The following ZNF365 variants were observed in gnomAD, a reference collection of about 807,000 sequenced individuals.
ZNF365 encodes the protein zinc finger protein 365.
In ZNF365, 22 loss-of-function variants were observed where a neutral mutation model predicts 35.0. The ratio of observed to expected loss-of-function variants is 0.63; its 90% confidence interval spans 0.45 to 0.90. The LOEUF is 0.90. Ranked by LOEUF, ZNF365 falls within the 40% of genes least tolerant of loss-of-function variation. ZNF365 has a pLI of 0.00. For missense variants in ZNF365, 448 were observed against 500.3 expected, an observed-to-expected ratio of 0.90 and a Z score of 1.00; for synonymous variants, 188 against 196.2, an observed-to-expected ratio of 0.96 and a Z score of 0.35.
chr10:62,376,607 G>A lies in ZNF365; in HGVS notation c.414G>A (p.Ser138=), dbSNP rs563726070. Residue 138 remains serine, a synonymous_variant, in exon 2 of 5, where the codon TCG becomes TCA. Coordinates refer to ENST00000395254, the MANE Select transcript of ZNF365 (RefSeq NM_014951.3). The part of the protein sequence containing the change: ...TYTAMDLHAD[S]LDGTRSGPGL... ...CTGCCATGGACCTCCATGCAGACTC[G>A]CTGGATGGGACACGGTCGGGTCCTG... 1.9e-6 allele frequency: 3 copies of A among 1,614,128 alleles called. No homozygotes were observed. Among genetic ancestry groups the A allele is most frequent in the Middle Eastern group, 1.6e-4 (1 of 6,062 alleles).
intron 3 of ZNF365, among the ~76,000 whole-genome samples, chr10:62,448,225 T>C (rs746141006): frequency 7.9e-5 from 12 of 152,194 alleles, no homozygotes; most frequent in Non-Finnish European, 1.8e-4. Context: ...TTACATACAA[T>C]GAAATGCACA....
intron 4 of ZNF365, among the ~76,000 whole-genome samples, chr10:62,460,636 G>A (rs1190863720): frequency 6.6e-6 from 1 of 152,174 alleles, no homozygotes; most frequent in African/African-American, 2.4e-5. Flanking sequence ...ATGGTAATAT[G>A]AGACAGATTG....
chr10:62,471,594 T>C (rs1014262936), intron 4 of ZNF365, among the ~76,000 whole-genome samples: 8 of 152,318 alleles, frequency 5.3e-5, no homozygotes, highest in African/African-American at 1.9e-4. Context: ...TTGATATTCA[T>C]ATTAATTTAT....
chr10:62,463,958 C>A (rs1023068970), intron 4 of ZNF365, among the ~76,000 whole-genome samples: 2 of 152,126 alleles, frequency 1.3e-5, no homozygotes, highest in Non-Finnish European at 2.9e-5. Context: ...AACACTGACA[C>A]CAGCGGGATG....
At chr10:62,430,628 G>A (rs1840320696) in intron 3 of ZNF365, among the ~76,000 whole-genome samples, 1 of 152,150 alleles carries the variant, frequency 6.6e-6, no homozygotes, top group Admixed American at 6.5e-5. Flanking sequence ...CAACCCTGGA[G>A]AAAACAGGAA....
rs184098438 is a variant in ZNF365 at position 62,388,460 on chromosome 10, C to G, written c.808C>G (p.Arg270Gly). 1 of 1,614,170 alleles carries G rather than the reference C, an allele frequency of 6.2e-7. No individual in the cohort carries two copies. Among genetic ancestry groups the G allele is most frequent in the Admixed American group, 1.7e-5 (1 of 60,030 alleles). The change falls in exon 3 of 5, where the codon CGG (arginine) becomes GGG (glycine). Residue 270 changes from arginine to glycine, a missense_variant. Physicochemically the swap from Arg to Gly is moderately radical, Grantham distance 125. Around this residue, in one of 3 missense-constraint regions of ZNF365, gnomAD observed 362 missense variants for 375.7 expected, o/e 0.96. Transcript: ENST00000395254. Reference sequence around the variant, plus strand: ...TGAGAAGGAGGTTCAAGGGAAAGCCCGGCTCCAGGACTTTATTGAGAATCT... The same window carrying G: ...TGAGAAGGAGGTTCAAGGGAAAGCCGGGCTCCAGGACTTTATTGAGAATCT... ...AAEKEVQGKA[R>G]LQDFIENLLQ...
chr10:62,442,318 T>A (rs74158908), intron 3 of ZNF365, among the ~76,000 whole-genome samples: 2 of 152,202 alleles, frequency 1.3e-5, no homozygotes, highest in African/African-American at 4.8e-5. Flanking sequence ...AAAATTTCCC[T>A]GCTAAATTGA....
chr10:62,381,151 G>A (rs1839432030), intron 2 of ZNF365, among the ~76,000 whole-genome samples: 1 of 152,116 alleles, frequency 6.6e-6, no homozygotes, highest in African/African-American at 2.4e-5. Context: ...ATTTTTATGT[G>A]TGGAGAGGCC....
At chr10:62,470,541 T>G (rs1446497954) in intron 4 of ZNF365, among the ~76,000 whole-genome samples, 1 of 152,246 alleles carries the variant, frequency 6.6e-6, no homozygotes, top group African/African-American at 2.4e-5. Flanking sequence ...CTTGATGCTT[T>G]CTTTCTGGAT....
At chr10:62,396,506 A>G (rs1047143978) in intron 3 of ZNF365, among the ~76,000 whole-genome samples, 1 of 152,156 alleles carries the variant, frequency 6.6e-6, no homozygotes, top group African/African-American at 2.4e-5. Context: ...GACATGCACA[A>G]TTTATAGTAC....
intron 4 of ZNF365, among the ~76,000 whole-genome samples, chr10:62,462,705 G>C (rs569714751): frequency 6.6e-6 from 1 of 152,200 alleles, no homozygotes; most frequent in Non-Finnish European, 1.5e-5. Flanking sequence ...AGCAGCCCAA[G>C]CATGGCTGGA....
rs563700614 is a variant in ZNF365 at position 62,424,389 on chromosome 10, T to A, written c.925-35352T>A. ...AATTGAAGCACGATGCTCTCAGGAATCTATTATAAGCAATGAATTAACTTC... is the reference window on the plus strand; with the variant it reads ...AATTGAAGCACGATGCTCTCAGGAAACTATTATAAGCAATGAATTAACTTC... On this transcript the variant is annotated intron_variant, in intron 3 of 4. Coordinates refer to the ZNF365 transcript ENST00000395255. Among the ~76,000 whole-genome samples the A allele has an allele frequency of 3.9e-5, 6 of 152,328 alleles. No individual in the cohort carries two copies. The South Asian group carries it at 1.2e-3, about 32-fold the overall frequency.
intron 4 of ZNF365, 99 bp from the exon 5 acceptor site, chr10:62,399,429 T>G (rs1839786042): frequency 2.6e-6 from 4 of 1,511,180 alleles, no homozygotes; most frequent in Non-Finnish European, 3.6e-6. Context: ...CTGTAGCATG[T>G]AGGAGAGATT....
At chr10:62,384,122 T>TAA (rs547364711) in intron 2 of ZNF365, among the ~76,000 whole-genome samples, 5 of 137,840 alleles carry the variant, frequency 3.6e-5, no homozygotes, top group African/African-American at 1.3e-4. Flanking sequence ...TTTTTTTTTT[T>TAA]AAATAAAGAA....
chr10:62,462,647 T>G (rs1479066489), intron 4 of ZNF365, among the ~76,000 whole-genome samples: 3 of 152,210 alleles, frequency 2.0e-5, no homozygotes, highest in Admixed American at 2.0e-4. Context: ...GACCCTGTAC[T>G]CTGTAAGACC....
At chr10:62,412,011 G>A (rs983010655) in intron 3 of ZNF365, among the ~76,000 whole-genome samples, 4 of 152,042 alleles carry the variant, frequency 2.6e-5, no homozygotes, top group Admixed American at 2.6e-4. Context: ...CAGTATCCCT[G>A]ATGAACATTA....
At chr10:62,443,617 T>C (rs974933952) in intron 3 of ZNF365, among the ~76,000 whole-genome samples, 23 of 152,208 alleles carry the variant, frequency 1.5e-4, no homozygotes, top group Non-Finnish European at 2.8e-4. Flanking sequence ...TCCTGCTCTT[T>C]AACCAGAAAA....
chr10:62,431,629 GA>G (rs955402763), intron 3 of ZNF365, among the ~76,000 whole-genome samples: 58 of 152,268 alleles, frequency 3.8e-4, no homozygotes, highest in African/African-American at 1.3e-3. Flanking sequence ...TTCTGGGAGT[GA>G]ATGTTTATGA....
At chr10:62,453,318 C>A (rs1840712725) in intron 3 of ZNF365, among the ~76,000 whole-genome samples, 1 of 152,186 alleles carries the variant, frequency 6.6e-6, no homozygotes, top group Admixed American at 6.5e-5. Context: ...CAGTGCCTAT[C>A]ATTCCCCACT....
Sources: gnomAD v4.1 joint callset for allele counts (sites outside exome capture counted in the v4.1 genomes callset) on GRCh38, gnomAD v4.1.1 for gene constraint, gnomAD v4.1.1 regional missense constraint, MANE v1.5 for transcripts, NCBI Gene and HGNC (gene_info 2026-07-23, HGNC 2026-07-21) for gene names.